Variants in EBF1 observed in about 807,000 individuals in gnomAD.
The protein encoded by EBF1 is transcription factor COE1.
EBF1 carries 10 observed loss-of-function variants against 68.4 expected under a neutral mutation model. The ratio of observed to expected loss-of-function variants is 0.15; its 90% CI spans 0.09 to 0.25. The LOEUF (loss-of-function observed/expected upper bound fraction) is 0.25. EBF1 is among the 10% of genes least tolerant of loss of function. The pLI, the probability that EBF1 is intolerant of heterozygous loss-of-function variation, is 1.00. For missense variants in EBF1, 509 were observed against 794.4 expected (o/e 0.64, Z 4.32); for synonymous variants, 298 against 299.8 (o/e 0.99, Z 0.06).
rs138882811 is a variant in EBF1, at chr5:158,762,365, C to G, written c.1036+15048G>C. On this transcript the variant is annotated intron_variant, in intron 10 of 15. Coordinates refer to ENST00000313708, the MANE Select transcript of EBF1 (RefSeq NM_024007.5). ...TAGATATGTTTTACTTTTTACTCTA[C>G]TCATTACCTGTAGCATCAATGGACA... 4.3e-4 allele frequency among the ~76,000 whole-genome samples: 66 copies of G among 152,332 alleles called. No individual in the cohort carries two copies. In the East Asian group the frequency reaches 0.012, roughly 27 times the overall value.
chr5:158,710,955 T>G (rs1581212143), intron 14 of EBF1, among the ~76,000 whole-genome samples: 1 of 152,344 alleles, frequency 6.6e-6, no homozygotes, highest in East Asian at 1.9e-4. Flanking sequence ...ATCAAGAGAT[T>G]GTGAGAACAC....
chr5:158,890,854 C>T (rs1801037294), intron 6 of EBF1, among the ~76,000 whole-genome samples: 1 of 152,102 alleles, frequency 6.6e-6, no homozygotes, highest in Non-Finnish European at 1.5e-5. Flanking sequence ...TTAGTTCTAC[C>T]TCCTTTTAGC....
intron 6 of EBF1, among the ~76,000 whole-genome samples, chr5:159,035,507 A>G (rs1769859649): frequency 6.6e-6 from 1 of 152,192 alleles, no homozygotes; most frequent in Non-Finnish European, 1.5e-5. Flanking sequence ...TGAAGGAGGC[A>G]GTACAGAGTG....
In EBF1 at chr5:158,982,395, C is replaced by G. The variant is rs530273383; in HGVS notation, c.554+91001G>C. Among the ~76,000 whole-genome samples, 43 of 152,270 alleles carry G rather than the reference C, an allele frequency of 2.8e-4. 1 individual carries two copies. The South Asian group carries it at 8.9e-3, about 32-fold the overall frequency. ...TGGGCATACTTCACACTCAAGTTAA[C>G]AGTCATTTATTGAGGGACTATTGCA... On this transcript the variant is annotated intron_variant, in intron 6 of 15. Transcript: ENST00000313708.
rs559493437 is a variant in EBF1 at position 158,713,420 on chromosome 5, T to G, written c.1192-273A>C. Among the ~76,000 whole-genome samples, 3 of 152,302 alleles carry G rather than the reference T, an allele frequency of 2.0e-5. No homozygotes were observed. In the South Asian group the frequency reaches 6.2e-4, roughly 32 times the overall value. On this transcript the variant is annotated intron_variant, in intron 12 of 15. Coordinates refer to ENST00000313708, the MANE Select transcript of EBF1 (RefSeq NM_024007.5). Reference sequence around the variant, plus strand: ...ATTCATAAGCCCATTTGTCTGACTTTGAAAGTCCATTATCTTAACTATACC... The same window carrying G: ...ATTCATAAGCCCATTTGTCTGACTTGGAAAGTCCATTATCTTAACTATACC...
intron 6 of EBF1, among the ~76,000 whole-genome samples, chr5:158,852,857 C>T (rs895185454): frequency 5.9e-5 from 9 of 152,130 alleles, no homozygotes; most frequent in South Asian, 4.1e-4. Flanking sequence ...TTGCCCTCCC[C>T]GCATGTCACT....
At chr5:158,730,804 C>G (rs537681942) in intron 11 of EBF1, among the ~76,000 whole-genome samples, 18 of 152,294 alleles carry the variant, frequency 1.2e-4, no homozygotes, top group Middle Eastern at 3.4e-3. Flanking sequence ...TGCTTATTTT[C>G]TCTTCTAAAA....
chr5:159,084,596 T>A, intron 5 of EBF1, 70 bp downstream of exon 5: 3 of 1,333,930 alleles, frequency 2.2e-6, no homozygotes, highest in Non-Finnish European at 3.0e-6. Flanking sequence ...AGACCAAAGT[T>A]CACCAAGATT....
chr5:158,779,685 A>G (rs915872182), intron 9 of EBF1, among the ~76,000 whole-genome samples: 14 of 152,218 alleles, frequency 9.2e-5, no homozygotes, highest in Admixed American at 2.0e-4. Flanking sequence ...CAGGGGAAAT[A>G]AATTTTAAAA....
chr5:158,976,393 A>G (rs1356174433), intron 6 of EBF1, among the ~76,000 whole-genome samples: 3 of 151,304 alleles, frequency 2.0e-5, no homozygotes, highest in African/African-American at 7.3e-5. Flanking sequence ...GTGCAAACCC[A>G]CAATAAATCA....
At chr5:158,839,066 AG>A (rs1369557408) in intron 7 of EBF1, among the ~76,000 whole-genome samples, 1 of 152,212 alleles carries the variant, frequency 6.6e-6, no homozygotes, top group Non-Finnish European at 1.5e-5. Context: ...AAGTCAGAGA[AG>A]CACCACGTCT....
rs10640628 is a variant in EBF1, at chr5:158,844,188, C to CTTTTT, written c.555-4083_555-4079dup. Among the ~76,000 whole-genome samples the CTTTTT allele has an allele frequency of 7.6e-4, 96 of 126,260 alleles. 3 individuals carry two copies. The highest frequency in any genetic ancestry group is 1.2e-3 in the African/African-American group (39 of 33,508). 82.8% of individuals were successfully genotyped at this position (126,260 alleles called of 152,430 possible). On this transcript the variant is annotated intron_variant, in intron 6 of 15. Transcript: ENST00000313708. ...GATCAAACTCCTTTTTAACTCAAGC[C>CTTTTT]TTTTTTTTTTTTTTTTTTGAGGGGG...
intron 10 of EBF1, among the ~76,000 whole-genome samples, chr5:158,746,152 G>T (rs866046095): frequency 6.6e-6 from 1 of 152,142 alleles, no homozygotes; most frequent in African/African-American, 2.4e-5. Flanking sequence ...TAAGGTACAC[G>T]CATCATTAGA....
chr5:158,825,075 A>T (rs1785754712), intron 7 of EBF1, among the ~76,000 whole-genome samples: 1 of 152,202 alleles, frequency 6.6e-6, no homozygotes, highest in African/African-American at 2.4e-5. Context: ...ATGACATGTA[A>T]GTTTGATGCA....
rs73300093 is a variant in EBF1 at position 158,930,086 on chromosome 5, G to A, written c.555-89976C>T. On this transcript the variant is annotated intron_variant, in intron 6 of 15. Transcript: ENST00000313708. ...TCATCAAAGGTGATTGTTTTCCCTC[G>A]TAATAGATAAAATTCATTACCATAA... is the stretch of plus-strand genomic sequence containing the variant. Among the ~76,000 whole-genome samples, 373 of 152,088 alleles carry A rather than the reference G, an allele frequency of 2.5e-3. 1 individual carries two copies. Among genetic ancestry groups the A allele is most frequent in the African/African-American group, 8.6e-3 (355 of 41,474 alleles).
intron 5 of EBF1, among the ~76,000 whole-genome samples, chr5:159,080,056 C>A (rs191504882): frequency 1.5e-4 from 23 of 152,208 alleles, no homozygotes; most frequent in African/African-American, 5.3e-4. Context: ...CCTTGTCAAT[C>A]CCATCTAAGC....
chr5:159,095,473 T>C (rs1782427164), intron 4 of EBF1, 147 bp downstream of exon 4: 4 of 821,664 alleles, frequency 4.9e-6, no homozygotes, highest in Non-Finnish European at 7.7e-6. Flanking sequence ...GAATGGACAC[T>C]GGAAGGCCGT....
intron 10 of EBF1, among the ~76,000 whole-genome samples, chr5:158,746,377 A>G (rs1359328012): frequency 6.6e-6 from 1 of 152,136 alleles, no homozygotes; most frequent in Non-Finnish European, 1.5e-5. Flanking sequence ...GGTGGGGAGG[A>G]TGAAAGAATT....
chr5:159,006,647 T>TAAAAAAAAAAAAA lies in EBF1; in HGVS notation c.554+66736_554+66748dup, dbSNP rs36045942. On this transcript the variant is annotated intron_variant, in intron 6 of 15. Transcript: ENST00000313708. ...CTCATATAACCAATCATAGCCATGT[T>TAAAAAAAAAAAAA]AAAAAAAAAAAAAAAAAAAAAAAAA... Among the ~76,000 whole-genome samples, 83 of 56,204 alleles carry TAAAAAAAAAAAAA rather than the reference T, an allele frequency of 1.5e-3. 14 individuals are homozygous for TAAAAAAAAAAAAA. Among genetic ancestry groups the TAAAAAAAAAAAAA allele is most frequent in the East Asian group, 4.8e-3 (8 of 1,654 alleles). 36.9% of individuals were successfully genotyped at this position (56,204 alleles called of 152,430 possible).
Sources: allele counts gnomAD v4.1 joint callset (sites outside exome capture counted in the v4.1 genomes callset), GRCh38; gene constraint gnomAD v4.1.1; transcripts MANE v1.5; gene names NCBI Gene and HGNC (gene_info 2026-07-23, HGNC 2026-07-21).